Variants in IFT43 observed in about 807,000 individuals in gnomAD.
The protein encoded by IFT43 is intraflagellar transport protein 43 homolog.
A neutral mutation model predicts 32.3 loss-of-function variants in IFT43; 33 were observed. That is an observed-to-expected ratio of 1.02 (90% confidence interval 0.77 to 1.37). The LOEUF is 1.37. Among genes scored for constraint, IFT43 ranks in the 40% most tolerant of loss-of-function variants. The pLI, the probability that IFT43 is intolerant of heterozygous loss-of-function variation, is 0.00. For missense variants in IFT43, 274 were observed against 265.9 expected, an observed-to-expected ratio of 1.03 and a Z score of -0.21; for synonymous variants, 93 against 98.2, an observed-to-expected ratio of 0.95 and a Z score of 0.31.
intron 3 of IFT43, among the ~76,000 whole-genome samples, chr14:76,053,914 A>T (rs1248836661): frequency 6.6e-6 from 1 of 152,146 alleles, no homozygotes; most frequent in Non-Finnish European, 1.5e-5. Context: ...TTTCAGGATC[A>T]CTCAGGAACA....
At chr14:76,044,501 C>T (rs745956271) in intron 3 of IFT43, among the ~76,000 whole-genome samples, 2 of 152,146 alleles carry the variant, frequency 1.3e-5, no homozygotes, top group African/African-American at 2.4e-5. Context: ...AGAACCTAGT[C>T]GTTTTGGGTG....
chr14:76,048,476 G>C (rs769361478), intron 3 of IFT43, among the ~76,000 whole-genome samples: 1 of 152,068 alleles, frequency 6.6e-6, no homozygotes, highest in Non-Finnish European at 1.5e-5. Context: ...TGATGGATTC[G>C]GTCTCTCAAA....
intron 5 of IFT43, among the ~76,000 whole-genome samples, chr14:76,081,540 A>T (rs1216048804): frequency 6.6e-6 from 1 of 152,228 alleles, no homozygotes; most frequent in Non-Finnish European, 1.5e-5. Context: ...AAGTTGCCAC[A>T]ATTAAGGGAT....
At chr14:76,054,411 T>C (rs2036971684) in intron 3 of IFT43, among the ~76,000 whole-genome samples, 1 of 152,378 alleles carries the variant, frequency 6.6e-6, no homozygotes, top group East Asian at 1.9e-4. Context: ...TTGAAAAGGC[T>C]TGAGGCAAAG....
At chr14:76,079,531 C>T (rs576714838) in intron 5 of IFT43, among the ~76,000 whole-genome samples, 11 of 152,070 alleles carry the variant, frequency 7.2e-5, no homozygotes, top group Non-Finnish European at 1.5e-4. Context: ...TGGAGTGGAC[C>T]CTCCTTCCTC....
intron 3 of IFT43, among the ~76,000 whole-genome samples, chr14:76,046,637 C>T (rs189957605): frequency 3.0e-4 from 46 of 152,276 alleles, no homozygotes; most frequent in African/African-American, 2.4e-4. Flanking sequence ...CACTGTTCAC[C>T]GAGCACTTCC....
chr14:76,082,708 T>C lies in IFT43; in HGVS notation c.444+16T>C, dbSNP rs1283470018. ...TCAGACACTGGTGAGTGGAACAGCT[T>C]CTGCATAGAGAGGCGGGCTCCAAGC... On this transcript the variant is annotated intron_variant, in intron 7 of 8. Transcript: ENST00000314067. 6.4e-7 allele frequency: 1 copy of C among 1,551,072 alleles called. No individual in the cohort carries two copies. Among genetic ancestry groups the C allele is most frequent in the South Asian group, 1.1e-5 (1 of 89,848 alleles).
chr14:76,024,035 G>T (rs889300696), intron 3 of IFT43, among the ~76,000 whole-genome samples: 2 of 152,116 alleles, frequency 1.3e-5, no homozygotes, highest in Non-Finnish European at 2.9e-5. Context: ...TAAAAACTAC[G>T]GGTTCAGGCT....
chr14:76,000,262 C>CTTTT (rs35001298), intron 2 of IFT43, among the ~76,000 whole-genome samples: 8 of 115,552 alleles, frequency 6.9e-5, no homozygotes, highest in East Asian at 2.5e-4. Context: ...TAACTGGCTT[C>CTTTT]TTTTTTTTTT....
intron 3 of IFT43, among the ~76,000 whole-genome samples, chr14:76,044,805 T>G (rs1042746558): frequency 4.6e-5 from 7 of 152,164 alleles, no homozygotes; most frequent in African/African-American, 1.4e-4. Context: ...TATAGGAGGA[T>G]TTTCTTCTGC....
chr14:76,041,914 G>C (rs184477783), intron 3 of IFT43, among the ~76,000 whole-genome samples: 4 of 152,274 alleles, frequency 2.6e-5, no homozygotes, highest in Admixed American at 2.0e-4. Flanking sequence ...CTATTCCCCT[G>C]TTGGTGGACA....
intron 2 of IFT43, among the ~76,000 whole-genome samples, chr14:75,989,966 C>T (rs932775347): frequency 6.6e-6 from 1 of 152,242 alleles, no homozygotes; most frequent in Non-Finnish European, 1.5e-5. Flanking sequence ...CTCCACATGG[C>T]CTTGTCCATT....
At chr14:76,058,835 G>C (rs923006662) in intron 4 of IFT43, 161 bp downstream of exon 4, 1 of 1,542,836 alleles carries the variant, frequency 6.5e-7, no homozygotes, top group Non-Finnish European at 8.7e-7. Flanking sequence ...GGTTAATCCC[G>C]CTTCCTCAAC....
chr14:76,034,950 A>G (rs755753801), intron 3 of IFT43, among the ~76,000 whole-genome samples: 18 of 152,262 alleles, frequency 1.2e-4, no homozygotes, highest in Non-Finnish European at 2.2e-4. Context: ...GAAGAGAGAA[A>G]GCCAACTTGG....
intron 2 of IFT43, chr14:76,013,688 C>T: frequency 6.0e-6 from 2 of 333,604 alleles, no homozygotes; most frequent in Admixed American, 3.9e-5. Flanking sequence ...TGGCAGCCAG[C>T]AGAAGGCTGA....
At chr14:76,064,604 T>G (rs1481583354) in intron 5 of IFT43, among the ~76,000 whole-genome samples, 1 of 152,194 alleles carries the variant, frequency 6.6e-6, no homozygotes, top group Non-Finnish European at 1.5e-5. Context: ...CTGGCCAGTC[T>G]TGAAGGTGTG....
At chr14:75,992,250 A>C (rs2035657909) in intron 2 of IFT43, among the ~76,000 whole-genome samples, 1 of 152,210 alleles carries the variant, frequency 6.6e-6, no homozygotes, top group Non-Finnish European at 1.5e-5. Context: ...CAATCTCTCT[A>C]ATTCTCCATT....
At chr14:76,074,576 G>A (rs142607716) in intron 5 of IFT43, among the ~76,000 whole-genome samples, 434 of 152,344 alleles carry the variant, frequency 2.8e-3, no homozygotes, top group Non-Finnish European at 4.9e-3. Context: ...GGCCTGCAAG[G>A]CTGAGTCCTG....
chr14:76,008,625 C>T (rs1444767521), intron 2 of IFT43, among the ~76,000 whole-genome samples: 2 of 152,120 alleles, frequency 1.3e-5, no homozygotes, highest in Non-Finnish European at 2.9e-5. Context: ...TGCTCCCTCT[C>T]CCCACCTTTA....
Sources: allele counts gnomAD v4.1 joint callset (sites outside exome capture counted in the v4.1 genomes callset), GRCh38; gene constraint gnomAD v4.1.1; transcripts MANE v1.5; gene names NCBI Gene and HGNC (gene_info 2026-07-23, HGNC 2026-07-21).